ASTN2: variants seen among roughly 807,000 people sequenced by gnomAD.
ASTN2 encodes astrotactin 2.
ASTN2 carries 54 observed loss-of-function variants against 139.8 expected under a neutral mutation model. That is an observed-to-expected ratio of 0.39 (90% CI 0.31 to 0.48). The LOEUF is 0.48. ASTN2 is among the 20% of genes least tolerant of loss of function. The probability of loss-of-function intolerance (pLI) is 0.95; values close to 1 mark genes in which losing one functional copy is unlikely to be tolerated. For missense variants in ASTN2, 1,565 were observed against 1,725.1 expected (o/e 0.91, Z 1.64); for synonymous variants, 756 against 719.5 (o/e 1.05, Z -0.81).
At chr9:116,871,917 C>G (rs1180990409) in intron 10 of ASTN2, among the ~76,000 whole-genome samples, 1 of 152,200 alleles carries the variant, frequency 6.6e-6, no homozygotes, top group East Asian at 1.9e-4. Context: ...TGTCTGGAGT[C>G]AGACTGCCCT....
intron 20 of ASTN2, among the ~76,000 whole-genome samples, chr9:116,458,516 C>T (rs906837014): frequency 5.3e-5 from 8 of 150,226 alleles, no homozygotes; most frequent in South Asian, 2.1e-4. Context: ...CATAAAAATT[C>T]GAAATAAAAA....
intron 10 of ASTN2, among the ~76,000 whole-genome samples, chr9:116,902,312 A>G (rs773584469): frequency 1.5e-4 from 23 of 152,204 alleles, no homozygotes; most frequent in Non-Finnish European, 2.9e-4. Context: ...TTAAAAAATA[A>G]AAATAGAAAA....
At chr9:116,521,679 T>C (rs886570429) in intron 19 of ASTN2, among the ~76,000 whole-genome samples, 2 of 152,170 alleles carry the variant, frequency 1.3e-5, no homozygotes, top group African/African-American at 4.8e-5. Flanking sequence ...AAAAAGCTTC[T>C]GCACAGCAAA....
At chr9:117,196,491 T>G (rs1831506290) in intron 3 of ASTN2, among the ~76,000 whole-genome samples, 2 of 152,202 alleles carry the variant, frequency 1.3e-5, no homozygotes, top group African/African-American at 4.8e-5. Flanking sequence ...TCAGATTTCT[T>G]GGACTGGGAT....
intron 2 of ASTN2, among the ~76,000 whole-genome samples, chr9:117,266,597 G>A (rs1236277370): frequency 2.0e-5 from 3 of 152,136 alleles, no homozygotes; most frequent in Non-Finnish European, 2.9e-5. Context: ...TTTTCTCCTA[G>A]ATAACTACAC....
chr9:116,630,917 C>T (rs1395261139), intron 17 of ASTN2, among the ~76,000 whole-genome samples: 1 of 151,578 alleles, frequency 6.6e-6, no homozygotes, highest in Non-Finnish European at 1.5e-5. Flanking sequence ...AGACAGTCCT[C>T]AAAAAAGATA....
chr9:116,979,235 A>T (rs1485139892), intron 7 of ASTN2, among the ~76,000 whole-genome samples: 3 of 152,186 alleles, frequency 2.0e-5, no homozygotes, highest in Non-Finnish European at 4.4e-5. Context: ...TGGGTCAGAG[A>T]TAGTATTCAA....
At chr9:116,579,487 T>C (rs1853861006) in intron 19 of ASTN2, among the ~76,000 whole-genome samples, 1 of 152,168 alleles carries the variant, frequency 6.6e-6, no homozygotes, top group Non-Finnish European at 1.5e-5. Flanking sequence ...GCCTACAACA[T>C]TTTCTCTTAC....
At chr9:117,087,215 T>TC (rs1241891608) in intron 5 of ASTN2, among the ~76,000 whole-genome samples, 2 of 136,724 alleles carry the variant, frequency 1.5e-5, no homozygotes, top group African/African-American at 5.4e-5. Flanking sequence ...TTCATTTTTT[T>TC]CTTTTTGTTT....
intron 1 of ASTN2, among the ~76,000 whole-genome samples, chr9:117,365,873 C>A (rs1405860346): frequency 6.6e-6 from 1 of 152,184 alleles, no homozygotes; most frequent in Non-Finnish European, 1.5e-5. Context: ...CAGGCCACTT[C>A]TCTTATTGCT....
At chr9:116,598,703 T>A (rs1854712984) in intron 19 of ASTN2, among the ~76,000 whole-genome samples, 1 of 152,220 alleles carries the variant, frequency 6.6e-6, no homozygotes, top group South Asian at 2.1e-4. Context: ...ATCTCTACTT[T>A]ATTCATTCAG....
chr9:117,397,538 G>A (rs1479752393), intron 1 of ASTN2, among the ~76,000 whole-genome samples: 1 of 152,134 alleles, frequency 6.6e-6, no homozygotes, highest in African/African-American at 2.4e-5. Flanking sequence ...TGTATTATGA[G>A]CATGGTTTAT....
chr9:117,028,957 C>G (rs1167059901), intron 6 of ASTN2, among the ~76,000 whole-genome samples: 1 of 152,132 alleles, frequency 6.6e-6, no homozygotes, highest in East Asian at 1.9e-4. Context: ...GAAACTGAGG[C>G]CTGAAGAAGT....
At chr9:117,361,520 T>G (rs1829691755) in intron 1 of ASTN2, among the ~76,000 whole-genome samples, 1 of 152,112 alleles carries the variant, frequency 6.6e-6, no homozygotes, top group South Asian at 2.1e-4. Flanking sequence ...CTGCATAGGT[T>G]GAATACCTAC....
intron 5 of ASTN2, among the ~76,000 whole-genome samples, chr9:117,085,803 CTCTTTT>C (rs1231914074): frequency 1.3e-5 from 2 of 152,190 alleles, no homozygotes; most frequent in Non-Finnish European, 1.5e-5. Flanking sequence ...CTCTTCCTGT[CTCTTTT>C]TGAGTATATA....
intron 5 of ASTN2, among the ~76,000 whole-genome samples, chr9:117,083,849 G>A (rs1828492595): frequency 6.6e-6 from 1 of 152,088 alleles, no homozygotes; most frequent in Admixed American, 6.6e-5. Context: ...TGCTGAGCTG[G>A]CTGGCATTGC....
chr9:116,532,792 G>A (rs990619381), intron 19 of ASTN2, among the ~76,000 whole-genome samples: 1 of 152,216 alleles, frequency 6.6e-6, no homozygotes, highest in Non-Finnish European at 1.5e-5. Context: ...AAGTCAGGTA[G>A]TGTGATGCCT....
intron 16 of ASTN2, chr9:116,700,487 T>C (rs974428447): frequency 3.0e-5 from 5 of 167,194 alleles, no homozygotes; most frequent in African/African-American, 4.8e-5. Context: ...AATGCTGATA[T>C]AGTCAGCAAA....
intron 20 of ASTN2, among the ~76,000 whole-genome samples, chr9:116,460,382 TA>T (rs1009385379): frequency 6.6e-6 from 1 of 152,132 alleles, no homozygotes; most frequent in African/African-American, 2.4e-5. Flanking sequence ...ATTGTAGCCT[TA>T]AAAAGGTGAA....
Sources: gnomAD v4.1 joint callset for allele counts (sites outside exome capture counted in the v4.1 genomes callset) on GRCh38, gnomAD v4.1.1 for gene constraint, MANE v1.5 for transcripts, NCBI Gene and HGNC (gene_info 2026-07-23, HGNC 2026-07-21) for gene names.